The following TRAPPC9 variants were observed in gnomAD, a reference collection of about 807,000 sequenced individuals.
TRAPPC9 encodes the protein IKK2 binding protein.
In TRAPPC9, 83 loss-of-function variants were observed where a neutral mutation model predicts 124.0. That is an observed-to-expected ratio of 0.67 (90% confidence interval 0.56 to 0.80). The LOEUF is 0.80. Among genes scored for constraint, TRAPPC9 ranks in the 30% least tolerant of loss-of-function variants. The probability of loss-of-function intolerance (pLI) is 0.00; values close to 1 mark genes in which losing one functional copy is unlikely to be tolerated. For synonymous variants in TRAPPC9, 638 were observed against 617.5 expected, an observed-to-expected ratio of 1.03 and a Z score of -0.49; for missense variants, 1,302 against 1,508.3, an observed-to-expected ratio of 0.86 and a Z score of 2.27.
chr8:139,968,995 A>G (rs532965942), intron 19 of TRAPPC9, among the ~76,000 whole-genome samples: 27 of 152,352 alleles, frequency 1.8e-4, no homozygotes, highest in African/African-American at 6.0e-4. Flanking sequence ...ACAGGAGTCC[A>G]GAGATAGCAG....
At chr8:139,900,782 T>G (rs1468836686) in intron 20 of TRAPPC9, among the ~76,000 whole-genome samples, 2 of 152,120 alleles carry the variant, frequency 1.3e-5, no homozygotes, top group African/African-American at 4.8e-5. Flanking sequence ...AAAGACCATT[T>G]GAAACCATGG....
At chr8:139,899,343 T>C (rs546859565) in intron 20 of TRAPPC9, among the ~76,000 whole-genome samples, 1 of 152,280 alleles carries the variant, frequency 6.6e-6, no homozygotes, top group East Asian at 1.9e-4. Context: ...ATTTTGCATG[T>C]TATATGTATT....
intron 19 of TRAPPC9, among the ~76,000 whole-genome samples, chr8:139,947,907 T>TATATATATATATATATATAGAGAG: frequency 5.0e-5 from 3 of 60,378 alleles, no homozygotes; most frequent in Non-Finnish European, 6.7e-5. Flanking sequence ...TATATATATA[T>TATATATATATATATATATAGAGAG]AGAGAGAGAG....
At position 139,732,033 on chromosome 8, in the gene TRAPPC9, G is replaced by A. The variant is rs58740567; in HGVS notation, c.3225C>T (p.Tyr1075=). The change falls in exon 22 of 23, where the codon TAC becomes TAT. Residue 1075 remains tyrosine, a synonymous_variant. Coordinates refer to ENST00000438773, the MANE Select transcript of TRAPPC9 (RefSeq NM_001160372.4). ...FQDHQNGVHN[Y]DLHDTVSFVG... is the part of the protein sequence containing the mutation. ...CGAAGGAGACGGTGTCGTGCAGGTC[G>A]TAGTTGTGCACGCCGTTCTGGTGGT... is the stretch of plus-strand genomic sequence containing the variant. The A allele has an allele frequency of 2.1e-3, 3,349 of 1,604,026 alleles. 51 individuals carry two copies. In the African/African-American group the frequency reaches 0.036, roughly 17 times the overall value.
intron 17 of TRAPPC9, among the ~76,000 whole-genome samples, chr8:140,051,732 C>T (rs937152143): frequency 3.9e-5 from 6 of 152,056 alleles, no homozygotes; most frequent in South Asian, 2.1e-4. Context: ...ATCGTAAGGA[C>T]GGCTGCTCCC....
In TRAPPC9 at chr8:140,278,276, T is replaced by G. The variant is rs140342752; in HGVS notation, c.2115-2455A>C. 5.5e-3 allele frequency among the ~76,000 whole-genome samples: 834 copies of G among 152,262 alleles called. 8 individuals are homozygous for G. Among genetic ancestry groups the G allele is most frequent in the African/African-American group, 0.019 (774 of 41,548 alleles). On this transcript the variant is annotated intron_variant, in intron 14 of 22. Transcript: ENST00000438773. ...ATGCCACCATGCCCAGCTAATTTTT[T>G]TGTATTTTTAGTAGAGATGGGATTT...
In TRAPPC9 at chr8:140,257,604, G is replaced by A. The variant is rs2064300373; in HGVS notation, c.2279-4675C>T. On this transcript the variant is annotated intron_variant, in intron 15 of 22. Coordinates refer to ENST00000438773, the MANE Select transcript of TRAPPC9 (RefSeq NM_001160372.4). This position sits in a 1 kb window ranked among gnomAD's most constrained non-coding sequence, Gnocchi z 4.6. ...GACACCTCCAATAGACTCCTAGCAT[G>A]GGGGGTCCCTGAATATGCCGAATGC... 6.6e-6 allele frequency among the ~76,000 whole-genome samples: 1 copy of A among 152,092 alleles called. No homozygotes were observed. The highest frequency in any genetic ancestry group is 2.4e-5 in the African/African-American group (1 of 41,390).
intron 9 of TRAPPC9, among the ~76,000 whole-genome samples, chr8:140,349,061 C>G (rs1242963540): frequency 7.8e-6 from 1 of 128,038 alleles, no homozygotes; most frequent in Non-Finnish European, 1.6e-5. Flanking sequence ...GAGGGACGTC[C>G]GGCAGAGGGG....
chr8:140,229,865 GTT>G (rs1563864848), intron 16 of TRAPPC9, among the ~76,000 whole-genome samples: 1 of 152,124 alleles, frequency 6.6e-6, no homozygotes, highest in Non-Finnish European at 1.5e-5. Context: ...GCCTCCATAT[GTT>G]TTCAATGTAC....
intron 7 of TRAPPC9, among the ~76,000 whole-genome samples, chr8:140,384,673 T>G (rs2068705169): frequency 6.6e-6 from 1 of 152,160 alleles, no homozygotes; most frequent in South Asian, 2.1e-4. Context: ...ATAAAGCAAG[T>G]CTTCAGAGAC....
intron 19 of TRAPPC9, among the ~76,000 whole-genome samples, chr8:139,946,218 C>G (rs1834204321): frequency 6.6e-6 from 1 of 152,134 alleles, no homozygotes; most frequent in South Asian, 2.1e-4. Context: ...TCAAATAGGC[C>G]CTAGCAGGCT....
chr8:140,032,105 C>T (rs977959880), intron 17 of TRAPPC9, among the ~76,000 whole-genome samples: 2 of 152,206 alleles, frequency 1.3e-5, no homozygotes, highest in Non-Finnish European at 2.9e-5. Context: ...AGAAGTCTTT[C>T]CAGCGTCTCC....
chr8:140,259,731 A>T (rs868275171), intron 15 of TRAPPC9, among the ~76,000 whole-genome samples: 18 of 152,196 alleles, frequency 1.2e-4, no homozygotes, highest in South Asian at 4.1e-4. Flanking sequence ...GGACGAAGTG[A>T]TTCCTGAGAG....
Position 139,840,776 on chromosome 8 carries a change from G to A in TRAPPC9, c.3055+45103C>T, listed in dbSNP as rs180958300. Among the ~76,000 whole-genome samples, 714 of 152,232 alleles carry A rather than the reference G, an allele frequency of 4.7e-3. 10 individuals carry two copies. The highest frequency in any genetic ancestry group is 0.016 in the African/African-American group (667 of 41,526). ...TCAACAGGCACATCCAGCCTGCCCC[G>A]CCCACAGCCCAGGGTCGCTCACCAA... On this transcript the variant is annotated intron_variant, in intron 21 of 22. Transcript: ENST00000438773.
At chr8:140,207,108 C>A (rs746099678) in intron 17 of TRAPPC9, among the ~76,000 whole-genome samples, 11 of 152,236 alleles carry the variant, frequency 7.2e-5, no homozygotes, top group Non-Finnish European at 1.2e-4. Flanking sequence ...GGAAGCGGAG[C>A]ATTCCCTGCA....
chr8:139,886,477 A>T (rs1317537746), intron 20 of TRAPPC9, among the ~76,000 whole-genome samples: 1 of 152,222 alleles, frequency 6.6e-6, no homozygotes, highest in Non-Finnish European at 1.5e-5. Context: ...GTCTCTCAGC[A>T]AGTATCAGTG....
At chr8:139,775,753 G>A (rs1482026569) in intron 21 of TRAPPC9, among the ~76,000 whole-genome samples, 2 of 152,172 alleles carry the variant, frequency 1.3e-5, no homozygotes, top group African/African-American at 2.4e-5. Flanking sequence ...GCCCTACAAG[G>A]TGAAGCCCAA....
chr8:139,876,232 A>G (rs1269678301), intron 21 of TRAPPC9, among the ~76,000 whole-genome samples: 1 of 152,246 alleles, frequency 6.6e-6, no homozygotes, highest in Non-Finnish European at 1.5e-5. Context: ...CCTCAGAGGC[A>G]CCAGGCAGAG....
chr8:140,258,854 A>G (rs79205880), intron 15 of TRAPPC9, among the ~76,000 whole-genome samples: 2,607 of 152,314 alleles, frequency 0.017, 38 homozygotes, highest in African/African-American at 0.042. Flanking sequence ...TAAATGGCCT[A>G]TCCCAGGGCT....
Sources: gnomAD v4.1 joint callset for allele counts (sites outside exome capture counted in the v4.1 genomes callset) on GRCh38, gnomAD v4.1.1 for gene constraint, Gnocchi (gnomAD v3.1) non-coding constraint, MANE v1.5 for transcripts, NCBI Gene and HGNC (gene_info 2026-07-23, HGNC 2026-07-21) for gene names.